The following CCDC6 variants were observed in gnomAD, a reference collection of about 807,000 sequenced individuals.
The protein encoded by CCDC6 is coiled-coil domain containing 6, also known as coiled-coil domain-containing protein 6.
CCDC6 carries 20 observed loss-of-function variants against 56.6 expected under a neutral mutation model. That is an observed-to-expected ratio of 0.35 (90% CI 0.25 to 0.51). The LOEUF (loss-of-function observed/expected upper bound fraction) is 0.51, where lower values mean the gene tolerates loss of function less well. Ranked by LOEUF, CCDC6 falls within the 20% of genes least tolerant of loss-of-function variation. The pLI is 0.95. For synonymous variants in CCDC6, 241 were observed against 234.4 expected (o/e 1.03, Z -0.26); for missense variants, 367 against 601.1 (o/e 0.61, Z 4.07).
At chr10:59,823,759 A>T (rs1321064805) in intron 3 of CCDC6, among the ~76,000 whole-genome samples, 1 of 152,166 alleles carries the variant, frequency 6.6e-6, no homozygotes, top group African/African-American at 2.4e-5. Context: ...TGATGAGTTT[A>T]TTTAGCCATT....
At position 59,889,828 on chromosome 10, in the gene CCDC6, T is replaced by C. The variant is rs2132681412; in HGVS notation, c.303+16294A>G. Among the ~76,000 whole-genome samples the C allele has an allele frequency of 2.0e-5, 3 of 152,330 alleles. 1 individual carries two copies. Among genetic ancestry groups the C allele is most frequent in the Admixed American group, 2.0e-4 (3 of 15,308 alleles). ...CGCAGCCCCTGGGCTCTGATGGCACTACCTCCTCCCTTTATCCTCCAGAGG... is the reference window on the plus strand; with the variant it reads ...CGCAGCCCCTGGGCTCTGATGGCACCACCTCCTCCCTTTATCCTCCAGAGG... On this transcript the variant is annotated intron_variant, in intron 1 of 8. Coordinates refer to ENST00000263102, the MANE Select transcript of CCDC6 (RefSeq NM_005436.5).
intron 1 of CCDC6, among the ~76,000 whole-genome samples, chr10:59,904,644 G>C (rs1304766346): frequency 6.6e-6 from 1 of 152,066 alleles, no homozygotes; most frequent in East Asian, 1.9e-4. Flanking sequence ...CAAATTCCCC[G>C]CCCCCCACCT....
At chr10:59,855,510 G>A (rs774777082) in intron 1 of CCDC6, among the ~76,000 whole-genome samples, 3 of 152,202 alleles carry the variant, frequency 2.0e-5, no homozygotes, top group Non-Finnish European at 2.9e-5. Flanking sequence ...AGATTGCAGT[G>A]AGCCAAGATC....
At chr10:59,859,083 A>G (rs1357607030) in intron 1 of CCDC6, among the ~76,000 whole-genome samples, 1 of 152,138 alleles carries the variant, frequency 6.6e-6, no homozygotes, top group Admixed American at 6.5e-5. Flanking sequence ...AGCTTATCCT[A>G]GTGCCTTGCA....
At chr10:59,867,074 A>G (rs2071183640) in intron 1 of CCDC6, among the ~76,000 whole-genome samples, 1 of 152,224 alleles carries the variant, frequency 6.6e-6, no homozygotes, top group Non-Finnish European at 1.5e-5. Flanking sequence ...GTGTGTTGAC[A>G]GCAAGCTTTT....
At chr10:59,896,407 G>A (rs1043863867) in intron 1 of CCDC6, among the ~76,000 whole-genome samples, 72 of 152,250 alleles carry the variant, frequency 4.7e-4, no homozygotes, top group African/African-American at 1.6e-3. Context: ...AGAGCTGGGC[G>A]TAGGGCTAGG....
At chr10:59,876,014 G>A (rs115112893) in intron 1 of CCDC6, among the ~76,000 whole-genome samples, 128 of 142,238 alleles carry the variant, frequency 9.0e-4, no homozygotes, top group African/African-American at 3.2e-3. Context: ...TAATAAATTC[G>A]CAATGCCAAG....
intron 3 of CCDC6, among the ~76,000 whole-genome samples, chr10:59,815,855 A>G (rs1388193196): frequency 2.0e-5 from 3 of 152,240 alleles, no homozygotes; most frequent in Non-Finnish European, 2.9e-5. Flanking sequence ...CTCCTCATCC[A>G]AAGATCCCGT....
chr10:59,823,497 C>T (rs961014875), intron 3 of CCDC6, among the ~76,000 whole-genome samples: 2 of 152,294 alleles, frequency 1.3e-5, no homozygotes, highest in Non-Finnish European at 1.5e-5. Flanking sequence ...ACCCCTCTCA[C>T]AACTACTGTG....
At chr10:59,826,914 AGATTAGAGTCACCAGG>A (rs1283264589) in intron 3 of CCDC6, among the ~76,000 whole-genome samples, 1 of 152,242 alleles carries the variant, frequency 6.6e-6, no homozygotes, top group Non-Finnish European at 1.5e-5. Flanking sequence ...GAGAGCTAAC[AGATTAGAGTCACCAGG>A]GATACAGTGT....
intron 1 of CCDC6, among the ~76,000 whole-genome samples, chr10:59,905,490 A>AC (rs148150751): frequency 0.012 from 1,880 of 152,046 alleles, 23 homozygotes; most frequent in Non-Finnish European, 0.019. Context: ...TAAACCGTCC[A>AC]CCCTCCCAAC....
At chr10:59,826,237 C>T (rs2070786950) in intron 3 of CCDC6, among the ~76,000 whole-genome samples, 1 of 152,154 alleles carries the variant, frequency 6.6e-6, no homozygotes, top group Non-Finnish European at 1.5e-5. Context: ...AAAGTAGAGG[C>T]AGGGAGTCAA....
chr10:59,836,175 T>C (rs955884051), intron 2 of CCDC6, among the ~76,000 whole-genome samples: 1 of 151,972 alleles, frequency 6.6e-6, no homozygotes, highest in Non-Finnish European at 1.5e-5. Context: ...CATAGGGACC[T>C]TGAAGGACTA....
chr10:59,859,839 C>A (rs1215877056), intron 1 of CCDC6, among the ~76,000 whole-genome samples: 1 of 96,572 alleles, frequency 1.0e-5, no homozygotes, highest in Non-Finnish European at 1.9e-5. Flanking sequence ...CTGAGGCGGG[C>A]ATATCATTTG....
intron 2 of CCDC6, among the ~76,000 whole-genome samples, chr10:59,845,269 C>CTATCTACTT (rs2070981280): frequency 6.6e-6 from 1 of 150,868 alleles, no homozygotes; most frequent in South Asian, 2.1e-4. Context: ...TTTTTCCCCT[C>CTATCTACTT]TATCTACTTT....
intron 7 of CCDC6, among the ~76,000 whole-genome samples, chr10:59,803,268 C>A (rs1279714086): frequency 6.6e-6 from 1 of 151,768 alleles, no homozygotes; most frequent in Non-Finnish European, 1.5e-5. Flanking sequence ...CCCATCGGTA[C>A]AAAGGCGGCC....
chr10:59,840,120 G>A (rs2070923844), intron 2 of CCDC6, among the ~76,000 whole-genome samples: 1 of 152,002 alleles, frequency 6.6e-6, no homozygotes. Context: ...CACCATGCCT[G>A]GCCATTTCTA....
chr10:59,824,339 C>T (rs374560850), intron 3 of CCDC6, among the ~76,000 whole-genome samples: 10 of 152,172 alleles, frequency 6.6e-5, no homozygotes, highest in African/African-American at 1.9e-4. Context: ...ACTCAACAGA[C>T]AGCCTCCTGA....
chr10:59,796,482 T>C (rs941893895), intron 7 of CCDC6, among the ~76,000 whole-genome samples: 3 of 152,162 alleles, frequency 2.0e-5, no homozygotes, highest in African/African-American at 7.2e-5. Flanking sequence ...AAAATCCTTA[T>C]ACACTGTTGG....
Sources: gnomAD v4.1 joint callset for allele counts (sites outside exome capture counted in the v4.1 genomes callset) on GRCh38, gnomAD v4.1.1 for gene constraint, MANE v1.5 for transcripts, NCBI Gene and HGNC (gene_info 2026-07-23, HGNC 2026-07-21) for gene names.